Variants in FAM171A1 observed in about 807,000 individuals in gnomAD.
FAM171A1 encodes the protein family with sequence similarity 171 member A1.
In FAM171A1, 23 loss-of-function variants were observed where a neutral mutation model predicts 74.9. That is an observed-to-expected ratio of 0.31 (90% CI 0.22 to 0.44). The LOEUF (loss-of-function observed/expected upper bound fraction) is 0.44, where lower values mean the gene tolerates loss of function less well. Ranked by LOEUF, FAM171A1 falls within the 20% of genes least tolerant of loss-of-function variation. The pLI, the probability that FAM171A1 is intolerant of heterozygous loss-of-function variation, is 1.00. For synonymous variants in FAM171A1, 527 were observed against 505.7 expected (o/e 1.04, Z -0.57); for missense variants, 1,162 against 1,159.2 (o/e 1.00, Z -0.03).
intron 7 of FAM171A1, 85 bp from the exon 8 acceptor site, chr10:15,214,686 T>A: frequency 6.8e-7 from 1 of 1,471,334 alleles, no homozygotes; most frequent in Non-Finnish European, 9.0e-7. Context: ...ATCCTAATTC[T>A]CAATTTCCAT....
chr10:15,261,773 T>G (rs1009116557), intron 3 of FAM171A1, among the ~76,000 whole-genome samples: 6 of 152,040 alleles, frequency 3.9e-5, no homozygotes, highest in Non-Finnish European at 1.5e-5. Context: ...GTGAGCTACG[T>G]GGGGTCCAGG....
At chr10:15,263,269 C>G (rs913288371) in intron 3 of FAM171A1, among the ~76,000 whole-genome samples, 6 of 152,186 alleles carry the variant, frequency 3.9e-5, no homozygotes, top group African/African-American at 1.2e-4. Flanking sequence ...GCTGGCTCCC[C>G]CAGTCTCATC....
chr10:15,231,500 G>T (rs74939027), intron 5 of FAM171A1, among the ~76,000 whole-genome samples: 13 of 152,228 alleles, frequency 8.5e-5, no homozygotes, highest in African/African-American at 3.1e-4. Context: ...ACCGTGCACA[G>T]CCCTGAGAAC....
At chr10:15,338,163 C>T (rs1835726126) in intron 1 of FAM171A1, among the ~76,000 whole-genome samples, 1 of 152,124 alleles carries the variant, frequency 6.6e-6, no homozygotes, top group Admixed American at 6.5e-5. Context: ...AAAGTTTTCA[C>T]CAGGATTTTA....
At chr10:15,305,090 C>T (rs973082778) in intron 1 of FAM171A1, among the ~76,000 whole-genome samples, 1 of 152,118 alleles carries the variant, frequency 6.6e-6, no homozygotes, top group African/African-American at 2.4e-5. Context: ...TTGGCCTCAC[C>T]ACACCTGAAT....
intron 2 of FAM171A1, among the ~76,000 whole-genome samples, chr10:15,281,693 C>T (rs1244415487): frequency 6.6e-6 from 1 of 152,172 alleles, no homozygotes; most frequent in Non-Finnish European, 1.5e-5. Context: ...AAAACCCCAT[C>T]TCCATTAAAA....
At chr10:15,348,158 T>C (rs989082656) in intron 1 of FAM171A1, among the ~76,000 whole-genome samples, 2 of 152,070 alleles carry the variant, frequency 1.3e-5, no homozygotes, top group African/African-American at 4.8e-5. Context: ...TTTGTATTTT[T>C]AGTAGAGATG....
At chr10:15,276,061 A>G (rs1361631359) in intron 2 of FAM171A1, 114 bp from the exon 3 acceptor site, 6 of 649,862 alleles carry the variant, frequency 9.2e-6, no homozygotes, top group Non-Finnish European at 1.6e-5. Context: ...ATCAATTAAT[A>G]CAATTAATTT....
chr10:15,290,996 A>G (rs1835095958), intron 1 of FAM171A1, among the ~76,000 whole-genome samples: 1 of 152,050 alleles, frequency 6.6e-6, no homozygotes, highest in Non-Finnish European at 1.5e-5. Context: ...GACCACACGC[A>G]TGCACCACCA....
chr10:15,370,980 G>A lies in FAM171A1; in HGVS notation c.73C>T (p.Arg25Trp). The change falls in exon 1 of 8, where the codon CGG becomes TGG. Residue 25 changes from arginine (R) to tryptophan (W), a missense_variant. By Grantham distance (101) the Arg-to-Trp change is moderately radical. Coordinates refer to ENST00000378116, the MANE Select transcript of FAM171A1 (RefSeq NM_001010924.2). The part of the protein sequence containing the change: ...HVWKAVTKTL[R>W]EPGAGAQEVT... The stretch of plus-strand genomic sequence containing the variant: ...CCTTGGGCTCCGGCGCCGGGCTCCC[G>A]CAGCGTCTTGGTCACCGCCTTCCAG... 8.5e-7 allele frequency: 1 copy of A among 1,182,310 alleles called. No homozygotes were observed. The highest frequency in any genetic ancestry group is 1.1e-6 in the Non-Finnish European group (1 of 933,980). The allele number at this position is 1,182,310 out of a possible 1,614,324, so 73.2% of individuals were successfully genotyped here. A position where few individuals can be genotyped will look rare whatever the true frequency, so the allele number is the denominator to read the frequency against.
intron 7 of FAM171A1, 58 bp from the exon 8 acceptor site, chr10:15,214,659 T>A (rs1469937813): frequency 2.7e-6 from 4 of 1,495,758 alleles, no homozygotes; most frequent in Non-Finnish European, 3.5e-6. Flanking sequence ...ATGAAAAAGT[T>A]TCAAGTTTCA....
At chr10:15,323,697 A>T (rs1054221416) in intron 1 of FAM171A1, among the ~76,000 whole-genome samples, 3 of 152,146 alleles carry the variant, frequency 2.0e-5, no homozygotes, top group African/African-American at 7.2e-5. Context: ...ATACACTTCC[A>T]CAATCAGAAC....
At chr10:15,345,525 G>A (rs1221336233) in intron 1 of FAM171A1, among the ~76,000 whole-genome samples, 1 of 152,192 alleles carries the variant, frequency 6.6e-6, no homozygotes. Flanking sequence ...AAGGCAGGGT[G>A]GCCGGGGAGT....
intron 1 of FAM171A1, among the ~76,000 whole-genome samples, chr10:15,301,843 C>T (rs1298099080): frequency 6.6e-6 from 1 of 152,162 alleles, no homozygotes; most frequent in African/African-American, 2.4e-5. Context: ...AGCTTCCAAG[C>T]TCAACAGAAT....
chr10:15,263,991 T>C (rs575898442), intron 3 of FAM171A1, among the ~76,000 whole-genome samples: 1 of 151,974 alleles, frequency 6.6e-6, no homozygotes, highest in South Asian at 2.1e-4. Flanking sequence ...AACTACCTAT[T>C]TATTTGAGAC....
At chr10:15,297,375 T>C (rs917631962) in intron 1 of FAM171A1, among the ~76,000 whole-genome samples, 3 of 152,110 alleles carry the variant, frequency 2.0e-5, no homozygotes, top group Non-Finnish European at 4.4e-5. Flanking sequence ...ACAGTCTTGA[T>C]AGAACTTACA....
At chr10:15,367,223 C>CAAACAA (rs34374113) in intron 1 of FAM171A1, among the ~76,000 whole-genome samples, 10 of 151,718 alleles carry the variant, frequency 6.6e-5, no homozygotes, top group Non-Finnish European at 1.2e-4. Flanking sequence ...AACAAACAAA[C>CAAACAA]ACACACACAA....
intron 2 of FAM171A1, 52 bp from the exon 3 acceptor site, chr10:15,275,999 G>T (rs1464215997): frequency 7.5e-7 from 1 of 1,329,692 alleles, no homozygotes; most frequent in Non-Finnish European, 1.1e-6. Context: ...ATATTTAAGT[G>T]CCTACTCTAA....
intron 5 of FAM171A1, among the ~76,000 whole-genome samples, chr10:15,232,315 T>A (rs1365501861): frequency 6.6e-6 from 1 of 152,268 alleles, no homozygotes; most frequent in South Asian, 2.1e-4. Context: ...TCTGACCAGC[T>A]AATGACTCTC....
Sources: allele counts gnomAD v4.1 joint callset (sites outside exome capture counted in the v4.1 genomes callset), GRCh38; gene constraint gnomAD v4.1.1; transcripts MANE v1.5; gene names NCBI Gene and HGNC (gene_info 2026-07-23, HGNC 2026-07-21).